The following FSD2 variants were observed in gnomAD, a reference collection of about 807,000 sequenced individuals.
FSD2 encodes fibronectin type III and SPRY domain-containing protein 2.
In FSD2, 71 loss-of-function variants were observed where a neutral mutation model predicts 80.4. The observed-to-expected ratio is 0.88, with a 90% confidence interval of 0.73 to 1.08. The LOEUF (loss-of-function observed/expected upper bound fraction) is 1.08. Among genes scored for constraint, FSD2 ranks in the 50% least tolerant of loss-of-function variants. FSD2 has a pLI of 0.00. For synonymous variants in FSD2, 361 were observed against 329.5 expected, an observed-to-expected ratio of 1.10 and a Z score of -1.03; for missense variants, 923 against 913.8, an observed-to-expected ratio of 1.01 and a Z score of -0.13.
In FSD2 at chr15:82,756,357, AGAT is replaced by A. The variant is rs1167402990; in HGVS notation, c.*2988_*2990del. Reference sequence around the variant, plus strand: ...CAGCTTCCAGTGTGTGAGTTGTGGAAGATGATGATTTTAACAGATTTTGGAGGA... The same window carrying A: ...CAGCTTCCAGTGTGTGAGTTGTGGAAGATGATTTTAACAGATTTTGGAGGA... On this transcript the variant is annotated 3_prime_UTR_variant, in exon 13 of 13. Transcript: ENST00000334574. 1 of 159,474 alleles carries A rather than the reference AGAT, an allele frequency of 6.3e-6. No homozygotes were observed. Among genetic ancestry groups the A allele is most frequent in the Non-Finnish European group, 1.4e-5 (1 of 72,432 alleles). 9.9% of individuals were successfully genotyped at this position (159,474 alleles called of 1,614,324 possible).
At chr15:82,759,753 ACT>A (rs1167620432) in intron 12 of FSD2, among the ~76,000 whole-genome samples, 153 bp from the exon 13 acceptor site, 3 of 151,588 alleles carry the variant, frequency 2.0e-5, no homozygotes, top group African/African-American at 7.3e-5. Flanking sequence ...CTAAAACTAT[ACT>A]CTCTAAACTA....
At chr15:82,760,739 G>GCACACACA (rs141943507) in intron 12 of FSD2, among the ~76,000 whole-genome samples, 45 of 150,228 alleles carry the variant, frequency 3.0e-4, no homozygotes, top group African/African-American at 7.8e-4. Flanking sequence ...GTGCGTGCAC[G>GCACACACA]CACACACACA....
Position 82,787,418 on chromosome 15 carries a change from C to G in FSD2, c.-28G>C, listed in dbSNP as rs764781452. On this transcript the variant is annotated 5_prime_UTR_variant, in exon 2 of 13. Coordinates refer to ENST00000334574, the MANE Select transcript of FSD2 (RefSeq NM_001007122.4). ...TAACTCTGGAAGTCCTCAGAAGCAC[C>G]TTTATATAAGAAAGATCCTTCCTGG... 4 of 1,557,438 alleles carry G rather than the reference C, an allele frequency of 2.6e-6. No homozygotes were observed. In the African/African-American group the frequency reaches 4.1e-5, roughly 16 times the overall value.
intron 9 of FSD2, among the ~76,000 whole-genome samples, chr15:82,767,221 C>T (rs561583077): frequency 9.8e-5 from 15 of 152,316 alleles, no homozygotes; most frequent in African/African-American, 3.4e-4. Context: ...AAGATGGTAA[C>T]CAAGACAAGT....
intron 1 of FSD2, among the ~76,000 whole-genome samples, chr15:82,794,805 A>T (rs2050224051): frequency 6.6e-6 from 1 of 151,380 alleles, no homozygotes; most frequent in Non-Finnish European, 1.5e-5. Context: ...GCTTACTGCA[A>T]GCTCCGCCTC....
chr15:82,781,155 G>A (rs2049847232), intron 4 of FSD2, among the ~76,000 whole-genome samples: 1 of 152,204 alleles, frequency 6.6e-6, no homozygotes, highest in Admixed American at 6.5e-5. Flanking sequence ...GTTAATGAAT[G>A]GAAACGCCAT....
At chr15:82,765,055 A>C in intron 11 of FSD2, 111 bp downstream of exon 11, 1 of 1,282,412 alleles carries the variant, frequency 7.8e-7, no homozygotes, top group Non-Finnish European at 1.0e-6. Flanking sequence ...ACTCATTTGT[A>C]GGATTCCTTT....
intron 1 of FSD2, among the ~76,000 whole-genome samples, chr15:82,788,927 C>T (rs934267454): frequency 6.6e-6 from 1 of 151,312 alleles, no homozygotes; most frequent in Non-Finnish European, 1.5e-5. Flanking sequence ...GGCAGTGAGC[C>T]ATGATTGCGC....
chr15:82,786,398 A>T, intron 3 of FSD2, 113 bp downstream of exon 3: 1 of 779,492 alleles, frequency 1.3e-6, no homozygotes, highest in Non-Finnish European at 2.2e-6. Context: ...GGGAGTGGTG[A>T]CCCCTCACAT....
At chr15:82,772,768 ACTT>A (rs2049615631) in intron 6 of FSD2, among the ~76,000 whole-genome samples, 1 of 152,152 alleles carries the variant, frequency 6.6e-6, no homozygotes, top group South Asian at 2.1e-4. Flanking sequence ...GTAGGTGAAT[ACTT>A]CTATCTCCCC....
intron 1 of FSD2, among the ~76,000 whole-genome samples, chr15:82,801,008 G>A (rs1174906888): frequency 6.6e-6 from 1 of 152,154 alleles, no homozygotes; most frequent in Non-Finnish European, 1.5e-5. Flanking sequence ...CTGCCCCAAT[G>A]TAACCCTTCC....
chr15:82,797,055 C>A (rs2050292448), intron 1 of FSD2, among the ~76,000 whole-genome samples: 1 of 143,780 alleles, frequency 7.0e-6, no homozygotes, highest in African/African-American at 2.6e-5. Flanking sequence ...CTCCAGGGGA[C>A]TAAATGGAAG....
At chr15:82,786,067 A>G (rs1379075512) in intron 3 of FSD2, among the ~76,000 whole-genome samples, 1 of 152,166 alleles carries the variant, frequency 6.6e-6, no homozygotes, top group Admixed American at 6.5e-5. Flanking sequence ...AAAACAGTAT[A>G]CATTAAAAAA....
chr15:82,774,036 C>T (rs2049653051), intron 6 of FSD2, among the ~76,000 whole-genome samples: 1 of 152,280 alleles, frequency 6.6e-6, no homozygotes, highest in Non-Finnish European at 1.5e-5. Flanking sequence ...TGAGGAATTA[C>T]AGACTATCCT....
intron 6 of FSD2, among the ~76,000 whole-genome samples, chr15:82,777,375 A>G (rs1199612572): frequency 6.6e-6 from 1 of 152,242 alleles, no homozygotes; most frequent in Admixed American, 6.5e-5. Context: ...ACTCAATAGC[A>G]AAAATCCAAA....
intron 6 of FSD2, among the ~76,000 whole-genome samples, chr15:82,775,718 G>C (rs2049700605): frequency 1.3e-5 from 2 of 152,138 alleles, no homozygotes; most frequent in South Asian, 4.1e-4. Flanking sequence ...GTTTCTGGAG[G>C]TGTAAAGTTA....
intron 1 of FSD2, among the ~76,000 whole-genome samples, chr15:82,789,556 G>C (rs938997743): frequency 6.6e-6 from 1 of 152,184 alleles, no homozygotes; most frequent in Admixed American, 6.5e-5. Flanking sequence ...CTTGTGCAAG[G>C]CCACACAGTT....
At chr15:82,800,250 G>C (rs2050377737) in intron 1 of FSD2, among the ~76,000 whole-genome samples, 1 of 152,150 alleles carries the variant, frequency 6.6e-6, no homozygotes, top group Non-Finnish European at 1.5e-5. Context: ...TCCAAGTTTT[G>C]TCCTGCAAGC....
intron 3 of FSD2, among the ~76,000 whole-genome samples, chr15:82,784,711 G>A (rs2151517238): frequency 6.6e-6 from 1 of 152,256 alleles, no homozygotes; most frequent in East Asian, 1.9e-4. Flanking sequence ...TACCTTCATG[G>A]GAAATGGGCC....
Sources: allele counts gnomAD v4.1 joint callset (sites outside exome capture counted in the v4.1 genomes callset), GRCh38; gene constraint gnomAD v4.1.1; transcripts MANE v1.5; gene names NCBI Gene and HGNC (gene_info 2026-07-23, HGNC 2026-07-21).